CCDC102B: variants seen among roughly 807,000 people sequenced by gnomAD.
CCDC102B encodes coiled-coil domain containing 102B, also known as coiled-coil domain-containing protein 102B.
Under a neutral mutation model 57.4 loss-of-function variants are expected in CCDC102B, and 75 were observed. The observed-to-expected ratio is 1.31, with a 90% CI of 1.08 to 1.58. The LOEUF is 1.58. Ranked by LOEUF, CCDC102B falls within the 40% of genes most tolerant of loss-of-function variation. CCDC102B has a pLI of 0.00. For missense variants in CCDC102B, 636 were observed against 582.6 expected (o/e 1.09, Z -0.94); for synonymous variants, 206 against 201.9 (o/e 1.02, Z -0.17).
chr18:68,810,487 C>G (rs1286572358), intron 1 of CCDC102B, among the ~76,000 whole-genome samples: 2 of 151,946 alleles, frequency 1.3e-5, no homozygotes, highest in African/African-American at 4.8e-5. Flanking sequence ...AATTTTCTCC[C>G]TATGTGCCTT....
chr18:68,956,778 C>A (rs995911153), intron 6 of CCDC102B, among the ~76,000 whole-genome samples: 2 of 149,848 alleles, frequency 1.3e-5, no homozygotes, highest in East Asian at 3.9e-4. Flanking sequence ...TCTCCACATT[C>A]TTGCCAGAAT....
intron 6 of CCDC102B, among the ~76,000 whole-genome samples, chr18:68,938,086 C>T (rs1246635608): frequency 1.3e-5 from 2 of 151,836 alleles, no homozygotes; most frequent in African/African-American, 4.8e-5. Flanking sequence ...AATATTCATG[C>T]AGAAAAAAGG....
At chr18:68,996,158 C>T (rs1368483981) in intron 6 of CCDC102B, among the ~76,000 whole-genome samples, 3 of 152,060 alleles carry the variant, frequency 2.0e-5, no homozygotes, top group Non-Finnish European at 4.4e-5. Context: ...AGAGGCAGAC[C>T]CACCTACAAT....
intron 6 of CCDC102B, among the ~76,000 whole-genome samples, chr18:69,000,375 A>G (rs2051168481): frequency 6.6e-6 from 1 of 152,164 alleles, no homozygotes; most frequent in African/African-American, 2.4e-5. Flanking sequence ...GAAATGATGA[A>G]ATGTGTATTG....
At chr18:68,999,241 G>C (rs1568114240) in intron 6 of CCDC102B, among the ~76,000 whole-genome samples, 1 of 151,838 alleles carries the variant, frequency 6.6e-6, no homozygotes, top group Non-Finnish European at 1.5e-5. Context: ...GCTTTGAGGG[G>C]AAAAAGAGAT....
chr18:68,810,562 G>A (rs573307957), intron 1 of CCDC102B, among the ~76,000 whole-genome samples: 7 of 151,660 alleles, frequency 4.6e-5, no homozygotes, highest in East Asian at 1.9e-4. Flanking sequence ...AATGATTCCC[G>A]AATGCTGGTG....
At chr18:68,868,840 G>A (rs914924440) in intron 4 of CCDC102B, among the ~76,000 whole-genome samples, 1 of 152,110 alleles carries the variant, frequency 6.6e-6, no homozygotes, top group African/African-American at 2.4e-5. Context: ...TGGGGGGTGA[G>A]CATGATGAGG....
intron 1 of CCDC102B, among the ~76,000 whole-genome samples, chr18:68,815,664 A>G (rs548781945): frequency 1.7e-5 from 2 of 116,120 alleles, no homozygotes; most frequent in Non-Finnish European, 3.7e-5. Context: ...GCCACCCTTC[A>G]CCTCCATTTA....
intron 4 of CCDC102B, among the ~76,000 whole-genome samples, chr18:68,870,116 G>T (rs1210590097): frequency 6.6e-6 from 1 of 152,078 alleles, no homozygotes; most frequent in Admixed American, 6.6e-5. Flanking sequence ...AACACCGCTT[G>T]TTCTCACTCA....
At chr18:68,770,023 A>C (rs977637925) in intron 2 of CCDC102B, among the ~76,000 whole-genome samples, 2 of 152,202 alleles carry the variant, frequency 1.3e-5, no homozygotes, top group Non-Finnish European at 2.9e-5. Context: ...GTCCAGCTGG[A>C]AAAGATGATA....
At chr18:68,885,809 G>A (rs2144974610) in intron 5 of CCDC102B, among the ~76,000 whole-genome samples, 1 of 151,964 alleles carries the variant, frequency 6.6e-6, no homozygotes, top group African/African-American at 2.4e-5. Flanking sequence ...GTATTTCCAG[G>A]ATTATGATGA....
intron 6 of CCDC102B, among the ~76,000 whole-genome samples, chr18:68,915,528 G>GA (rs1198172524): frequency 6.6e-6 from 1 of 152,072 alleles, no homozygotes; most frequent in Middle Eastern, 3.2e-3. Flanking sequence ...ATACAATATA[G>GA]AAAAAAAGAA....
At chr18:68,935,276 T>C (rs11875482) in intron 6 of CCDC102B, among the ~76,000 whole-genome samples, 41,392 of 151,848 alleles carry the variant, frequency 0.27, 7,146 homozygotes, top group East Asian at 0.64. Context: ...GATGGGATTT[T>C]GAATCTATTT....
At chr18:68,834,583 G>A (rs925311521) in intron 1 of CCDC102B, among the ~76,000 whole-genome samples, 7 of 150,938 alleles carry the variant, frequency 4.6e-5, no homozygotes, top group Admixed American at 1.3e-4. Flanking sequence ...CTCCAAATCA[G>A]CAATAATTGA....
intron 2 of CCDC102B, 147 bp from the exon 3 acceptor site, chr18:68,838,559 G>A: frequency 2.1e-6 from 3 of 1,430,378 alleles, no homozygotes; most frequent in South Asian, 1.6e-5. Flanking sequence ...AAGTAAGTGT[G>A]GCCACACAAC....
At chr18:68,878,975 C>G (rs935386095) in intron 5 of CCDC102B, among the ~76,000 whole-genome samples, 9 of 151,942 alleles carry the variant, frequency 5.9e-5, no homozygotes, top group Admixed American at 2.6e-4. Flanking sequence ...GGAGTTTGTT[C>G]CTTCTGATGT....
chr18:68,781,917 T>G (rs1171924496), intron 2 of CCDC102B, among the ~76,000 whole-genome samples: 1 of 152,096 alleles, frequency 6.6e-6, no homozygotes, highest in Non-Finnish European at 1.5e-5. Flanking sequence ...TAACAGTCAT[T>G]GAGGTATTTT....
Position 68,838,102 on chromosome 18 carries a change from A to G in CCDC102B, c.607-604A>G, listed in dbSNP as rs1263417352. 7.9e-5 allele frequency among the ~76,000 whole-genome samples: 12 copies of G among 152,228 alleles called. No individual in the cohort carries two copies. In the East Asian group the frequency reaches 1.7e-3, roughly 22 times the overall value. On this transcript the variant is annotated intron_variant, in intron 2 of 7. Transcript: ENST00000360242. ...AAATTTAAATTGTAGGCAAATACCA[A>G]TAGCATGAGTCCTGTGAAGTTTTTG...
intron 6 of CCDC102B, among the ~76,000 whole-genome samples, chr18:68,904,623 A>G (rs77137256): frequency 0.031 from 4,749 of 152,228 alleles, 190 homozygotes; most frequent in African/African-American, 0.091. Context: ...CAATCAATAA[A>G]TTGCAAAAGT....
Sources: gnomAD v4.1 joint callset for allele counts (sites outside exome capture counted in the v4.1 genomes callset) on GRCh38, gnomAD v4.1.1 for gene constraint, MANE v1.5 for transcripts, NCBI Gene and HGNC (gene_info 2026-07-23, HGNC 2026-07-21) for gene names.